The following KATNIP variants were observed in gnomAD, a reference collection of about 807,000 sequenced individuals.
KATNIP encodes katanin interacting protein.
A neutral mutation model predicts 174.0 loss-of-function variants in KATNIP; 126 were observed. That is an observed-to-expected ratio of 0.72 (90% CI 0.63 to 0.84). The LOEUF is 0.84. Among genes scored for constraint, KATNIP ranks in the 40% least tolerant of loss-of-function variants. The pLI, the probability that KATNIP is intolerant of heterozygous loss-of-function variation, is 0.00. For synonymous variants in KATNIP, 810 were observed against 835.7 expected, an observed-to-expected ratio of 0.97 and a Z score of 0.53; for missense variants, 1,958 against 2,109.7, an observed-to-expected ratio of 0.93 and a Z score of 1.41.
At chr16:27,581,859 T>G (rs768823578) in intron 2 of KATNIP, among the ~76,000 whole-genome samples, 107 of 152,220 alleles carry the variant, frequency 7.0e-4, no homozygotes, top group Non-Finnish European at 1.0e-3. Context: ...TTTCTATTCC[T>G]GAGTTACTTC....
At chr16:27,690,315 C>CAGATAGATAGGT (rs2078670979) in intron 8 of KATNIP, among the ~76,000 whole-genome samples, 1 of 128,658 alleles carries the variant, frequency 7.8e-6, no homozygotes, top group Non-Finnish European at 1.6e-5. Context: ...GACCCCATCT[C>CAGATAGATAGGT]AGATAGATAG....
intron 3 of KATNIP, 106 bp from the exon 4 acceptor site, chr16:27,628,555 A>G: frequency 1.6e-6 from 2 of 1,247,246 alleles, no homozygotes; most frequent in South Asian, 1.4e-5. Context: ...CTGGGCTCTG[A>G]TTAGAGACGC....
intron 2 of KATNIP, among the ~76,000 whole-genome samples, chr16:27,608,958 TG>T (rs2075804376): frequency 1.3e-5 from 2 of 152,154 alleles, no homozygotes; most frequent in South Asian, 4.1e-4. Flanking sequence ...TTCAGGTGAC[TG>T]GGGTCCAGCT....
chr16:27,569,901 T>C (rs1484042716), intron 1 of KATNIP, among the ~76,000 whole-genome samples: 1 of 152,216 alleles, frequency 6.6e-6, no homozygotes, highest in African/African-American at 2.4e-5. Context: ...TTTTATTTTA[T>C]TTTATTCTTT....
intron 21 of KATNIP, 87 bp downstream of exon 21, chr16:27,770,105 G>A (rs2082249450): frequency 2.1e-6 from 3 of 1,452,484 alleles, no homozygotes; most frequent in Admixed American, 1.8e-5. Flanking sequence ...CATTCCGAAA[G>A]GGTTTTGAAA....
At chr16:27,755,149 A>T (rs1388624755) in intron 18 of KATNIP, 1 of 152,246 alleles carries the variant, frequency 6.6e-6, no homozygotes, top group Non-Finnish European at 1.5e-5. Flanking sequence ...TTATCTTCTG[A>T]GACAAAAGAT....
In KATNIP at chr16:27,655,643, A is replaced by C. The variant is rs148582580; in HGVS notation, c.540+6908A>C. Among the ~76,000 whole-genome samples, 139 of 152,292 alleles carry C rather than the reference A, an allele frequency of 9.1e-4. 5 individuals are homozygous for C. The East Asian group carries it at 0.024, about 26-fold the overall frequency. On this transcript the variant is annotated intron_variant, in intron 6 of 27. Coordinates refer to ENST00000261588, the MANE Select transcript of KATNIP (RefSeq NM_015202.5). Reference sequence around the variant, plus strand: ...TTAAATGAGCACTTACCGAGTGCCAAGCACCATGTTGAGCATGTAACATCC... The same window carrying C: ...TTAAATGAGCACTTACCGAGTGCCACGCACCATGTTGAGCATGTAACATCC...
chr16:27,638,954 G>A (rs979476266), intron 5 of KATNIP, among the ~76,000 whole-genome samples: 2 of 150,600 alleles, frequency 1.3e-5, no homozygotes, highest in African/African-American at 2.4e-5. Context: ...ATTAACAGAC[G>A]TGAGCCACTG....
intron 2 of KATNIP, among the ~76,000 whole-genome samples, chr16:27,602,014 T>C (rs901085397): frequency 1.3e-5 from 2 of 152,192 alleles, no homozygotes; most frequent in Admixed American, 1.3e-4. Flanking sequence ...TGGCCAGTCC[T>C]GCAGGATTGA....
chr16:27,702,344 T>C (rs1042228549), intron 11 of KATNIP, among the ~76,000 whole-genome samples: 8 of 152,214 alleles, frequency 5.3e-5, no homozygotes, highest in African/African-American at 1.9e-4. Flanking sequence ...TATTAAAAGT[T>C]TGTTCAAACT....
intron 8 of KATNIP, among the ~76,000 whole-genome samples, chr16:27,695,853 T>G (rs1423223545): frequency 6.6e-6 from 1 of 152,182 alleles, no homozygotes; most frequent in African/African-American, 2.4e-5. Flanking sequence ...CCCGCCCCAA[T>G]GTATCCATCC....
chr16:27,613,506 A>G (rs894198040), intron 2 of KATNIP, among the ~76,000 whole-genome samples: 1 of 152,192 alleles, frequency 6.6e-6, no homozygotes, highest in African/African-American at 2.4e-5. Context: ...TAAAAATGTC[A>G]TCCACTGTTT....
At chr16:27,722,143 G>A (rs2080270317) in intron 14 of KATNIP, 1 of 159,668 alleles carries the variant, frequency 6.3e-6, no homozygotes. Flanking sequence ...TAATTCAGCA[G>A]GTCTGGAGCA....
intron 1 of KATNIP, among the ~76,000 whole-genome samples, chr16:27,556,090 G>A (rs993411767): frequency 6.6e-5 from 10 of 151,140 alleles, no homozygotes; most frequent in Admixed American, 2.6e-4. Context: ...TTGCACCACC[G>A]CACTCTAGCC....
chr16:27,550,735 G>A (rs994760844), intron 1 of KATNIP, among the ~76,000 whole-genome samples: 1 of 152,190 alleles, frequency 6.6e-6, no homozygotes, highest in Non-Finnish European at 1.5e-5. Flanking sequence ...GTTCAGCGTT[G>A]TTCCATTTTA....
At chr16:27,593,512 A>G (rs1307171197) in intron 2 of KATNIP, among the ~76,000 whole-genome samples, 4 of 151,986 alleles carry the variant, frequency 2.6e-5, no homozygotes, top group African/African-American at 4.8e-5. Context: ...TGCTGGGATT[A>G]CAGGCGTGAG....
At chr16:27,643,933 A>AT (rs1052658969) in intron 5 of KATNIP, among the ~76,000 whole-genome samples, 3 of 143,464 alleles carry the variant, frequency 2.1e-5, no homozygotes, top group Admixed American at 7.0e-5. Flanking sequence ...TTATTTATTT[A>AT]TTTTTTTGCT....
At chr16:27,697,642 A>G (rs2078961062) in intron 8 of KATNIP, among the ~76,000 whole-genome samples, 1 of 151,388 alleles carries the variant, frequency 6.6e-6, no homozygotes, top group South Asian at 2.1e-4. Context: ...TATTATGCAC[A>G]CACATATGTG....
At chr16:27,607,724 A>C (rs1419231080) in intron 2 of KATNIP, among the ~76,000 whole-genome samples, 3 of 151,996 alleles carry the variant, frequency 2.0e-5, no homozygotes, top group Non-Finnish European at 4.4e-5. Flanking sequence ...CAGCCTCCTG[A>C]ATAGATGGGA....
Sources: gnomAD v4.1 joint callset for allele counts (sites outside exome capture counted in the v4.1 genomes callset) on GRCh38, gnomAD v4.1.1 for gene constraint, MANE v1.5 for transcripts, NCBI Gene and HGNC (gene_info 2026-07-23, HGNC 2026-07-21) for gene names.